The following SENP7 variants were observed in gnomAD, a reference collection of about 807,000 sequenced individuals.
The protein encoded by SENP7 is SUMO specific peptidase 7.
In SENP7, 64 loss-of-function variants were observed where a neutral mutation model predicts 141.2. That is an observed-to-expected ratio of 0.45 (90% CI 0.37 to 0.56). The LOEUF (loss-of-function observed/expected upper bound fraction) is 0.56, where lower values mean the gene tolerates loss of function less well. Ranked by LOEUF, SENP7 falls within the 20% of genes least tolerant of loss-of-function variation. The pLI is 0.00. For missense variants in SENP7, 1,025 were observed against 1,212.2 expected (o/e 0.85, Z 2.29); for synonymous variants, 382 against 426.4 (o/e 0.90, Z 1.28).
intron 4 of SENP7, among the ~76,000 whole-genome samples, chr3:101,420,705 AAGTAC>A (rs1388865866): frequency 6.6e-6 from 1 of 152,206 alleles, no homozygotes; most frequent in Non-Finnish European, 1.5e-5. Context: ...GTGCAGTAAG[AAGTAC>A]ATGACATCAG....
chr3:101,500,257 A>G (rs2065325165), intron 2 of SENP7, among the ~76,000 whole-genome samples: 1 of 152,236 alleles, frequency 6.6e-6, no homozygotes, highest in Non-Finnish European at 1.5e-5. Context: ...AATTCTAGAA[A>G]AAAAATTATC....
chr3:101,449,824 C>T (rs4683905), intron 4 of SENP7, among the ~76,000 whole-genome samples: 60,374 of 152,000 alleles, frequency 0.4, 12,506 homozygotes, highest in Admixed American at 0.54. Flanking sequence ...AGCAAAATAA[C>T]CAGCTAACAT....
intron 4 of SENP7, among the ~76,000 whole-genome samples, chr3:101,453,138 G>A (rs1040074761): frequency 2.2e-4 from 33 of 152,226 alleles, no homozygotes; most frequent in Admixed American, 1.2e-3. Flanking sequence ...ATGGCCATCA[G>A]AGAAATGCAA....
intron 5 of SENP7, among the ~76,000 whole-genome samples, chr3:101,404,319 A>G (rs2061237005): frequency 6.6e-6 from 1 of 152,162 alleles, no homozygotes; most frequent in Non-Finnish European, 1.5e-5. Flanking sequence ...AGCAATGGAC[A>G]AAGGGCTCCA....
At chr3:101,328,206 A>C (rs761270119) in intron 22 of SENP7, among the ~76,000 whole-genome samples, 1 of 152,164 alleles carries the variant, frequency 6.6e-6, no homozygotes, top group Non-Finnish European at 1.5e-5. Context: ...GGTACTTTTG[A>C]TAATCAATGC....
chr3:101,380,620 C>A, intron 6 of SENP7, among the ~76,000 whole-genome samples: 6 of 137,502 alleles, frequency 4.4e-5, no homozygotes, highest in Non-Finnish European at 3.1e-5. Flanking sequence ...GCCTGGGCAA[C>A]ATAGCAAGAC....
intron 6 of SENP7, among the ~76,000 whole-genome samples, chr3:101,390,259 ACTGGCTGAATCCATTTTTTT>A: frequency 6.7e-6 from 1 of 149,826 alleles, no homozygotes. Context: ...AAAGACATGA[ACTGGCTGAATCCATTTTTTT>A]AAAATGACCC....
chr3:101,432,739 C>T (rs556817747), intron 4 of SENP7, among the ~76,000 whole-genome samples: 2 of 152,230 alleles, frequency 1.3e-5, no homozygotes, highest in South Asian at 2.1e-4. Flanking sequence ...TGGGGTGCAC[C>T]CTAAAGCTTA....
intron 3 of SENP7, among the ~76,000 whole-genome samples, chr3:101,470,531 C>G (rs571774350): frequency 1.2e-4 from 18 of 152,166 alleles, no homozygotes; most frequent in Non-Finnish European, 2.1e-4. Flanking sequence ...ATGACAGACC[C>G]ACAGCCAATA....
intron 5 of SENP7, among the ~76,000 whole-genome samples, chr3:101,411,048 A>G (rs191987726): frequency 2.5e-4 from 38 of 152,164 alleles, no homozygotes; most frequent in African/African-American, 8.4e-4. Context: ...TTCTTATTTT[A>G]CCACCTTATA....
intron 5 of SENP7, among the ~76,000 whole-genome samples, chr3:101,415,134 T>C (rs1210426612): frequency 6.6e-6 from 1 of 152,266 alleles, no homozygotes; most frequent in Non-Finnish European, 1.5e-5. Context: ...TCTGGGTCTT[T>C]GTTTTCTTGG....
chr3:101,492,774 G>C (rs2065015285), intron 3 of SENP7, among the ~76,000 whole-genome samples: 1 of 152,140 alleles, frequency 6.6e-6, no homozygotes, highest in African/African-American at 2.4e-5. Context: ...AAAGTAGGAA[G>C]ACTTCTTAAG....
intron 6 of SENP7, among the ~76,000 whole-genome samples, chr3:101,390,169 G>A (rs1468381989): frequency 2.1e-5 from 3 of 143,606 alleles, no homozygotes; most frequent in African/African-American, 5.2e-5. Flanking sequence ...GCAGTGAGTC[G>A]AGATTGTGCC....
chr3:101,342,125 C>T (rs957974590), intron 14 of SENP7, among the ~76,000 whole-genome samples: 9 of 151,888 alleles, frequency 5.9e-5, no homozygotes, highest in African/African-American at 2.2e-4. Context: ...TGTAATTCCA[C>T]TAAATGGAAA....
At chr3:101,406,496 T>C (rs1460367485) in intron 5 of SENP7, among the ~76,000 whole-genome samples, 1 of 151,452 alleles carries the variant, frequency 6.6e-6, no homozygotes, top group East Asian at 1.9e-4. Flanking sequence ...GACGAGTTAA[T>C]GGGTGCAGCA....
intron 1 of SENP7, among the ~76,000 whole-genome samples, chr3:101,502,586 G>A (rs112499472): frequency 2.6e-3 from 371 of 142,104 alleles, no homozygotes; most frequent in African/African-American, 7.9e-3. Context: ...ATGAGCCACC[G>A]CGCCTGGCTG....
At chr3:101,328,273 T>C (rs1275857530) in intron 22 of SENP7, among the ~76,000 whole-genome samples, 1 of 152,162 alleles carries the variant, frequency 6.6e-6, no homozygotes, top group Non-Finnish European at 1.5e-5. Context: ...ATTCTGAATT[T>C]ACCTTTAATA....
intron 22 of SENP7, among the ~76,000 whole-genome samples, 153 bp downstream of exon 22, chr3:101,328,325 G>A (rs1371714958): frequency 6.6e-6 from 1 of 151,960 alleles, no homozygotes; most frequent in Non-Finnish European, 1.5e-5. Context: ...TAACAGAATA[G>A]AAGATATTTA....
intron 3 of SENP7, among the ~76,000 whole-genome samples, chr3:101,476,799 G>A (rs2064236651): frequency 6.6e-6 from 1 of 152,174 alleles, no homozygotes; most frequent in African/African-American, 2.4e-5. Flanking sequence ...CATTCTAAAT[G>A]GCATGAGATG....
Sources: gnomAD v4.1 joint callset for allele counts (sites outside exome capture counted in the v4.1 genomes callset) on GRCh38, gnomAD v4.1.1 for gene constraint, MANE v1.5 for transcripts, NCBI Gene and HGNC (gene_info 2026-07-23, HGNC 2026-07-21) for gene names.